Variants in CSMD3 observed in about 807,000 individuals in gnomAD.
The protein encoded by CSMD3 is CUB and Sushi multiple domains 3.
Under a neutral mutation model 435.2 loss-of-function variants are expected in CSMD3, and 177 were observed. That is an observed-to-expected ratio of 0.41 (90% CI 0.36 to 0.46). The LOEUF (loss-of-function observed/expected upper bound fraction) is 0.46. CSMD3 is among the 20% of genes least tolerant of loss of function. The pLI, the probability that CSMD3 is intolerant of heterozygous loss-of-function variation, is 0.34. For synonymous variants in CSMD3, 1,656 were observed against 1,520.5 expected (o/e 1.09, Z -2.07); for missense variants, 4,265 against 4,504.6 (o/e 0.95, Z 1.52).
chr8:112,831,450 T>G (rs1275616468), intron 11 of CSMD3, among the ~76,000 whole-genome samples: 1 of 152,062 alleles, frequency 6.6e-6, no homozygotes, highest in Non-Finnish European at 1.5e-5. Flanking sequence ...AAATTCATTT[T>G]ATAACCTAGT....
intron 27 of CSMD3, among the ~76,000 whole-genome samples, chr8:112,550,015 T>A (rs1316959589): frequency 6.6e-6 from 1 of 152,018 alleles, no homozygotes; most frequent in Non-Finnish European, 1.5e-5. Flanking sequence ...CATTTAAACA[T>A]TTTAAGTTTT....
chr8:113,418,190 T>C (rs1181778180), intron 1 of CSMD3, among the ~76,000 whole-genome samples: 1 of 152,114 alleles, frequency 6.6e-6, no homozygotes, highest in Non-Finnish European at 1.5e-5. Flanking sequence ...CAAAGCAGGT[T>C]ATGTCAAGAA....
chr8:112,453,329 C>G (rs917431313), intron 32 of CSMD3, among the ~76,000 whole-genome samples: 12 of 152,044 alleles, frequency 7.9e-5, no homozygotes, highest in African/African-American at 2.7e-4. Flanking sequence ...ACTTACCTCT[C>G]TTTGCCAATA....
intron 4 of CSMD3, among the ~76,000 whole-genome samples, chr8:113,146,078 A>AT (rs2091666271): frequency 1.3e-5 from 2 of 151,668 alleles, no homozygotes; most frequent in South Asian, 4.1e-4. Flanking sequence ...CATAAAATGT[A>AT]AATATATAAT....
chr8:113,186,858 G>C lies in CSMD3; in HGVS notation c.515-12942C>G, dbSNP rs559100100. 5.9e-5 allele frequency among the ~76,000 whole-genome samples: 9 copies of C among 152,040 alleles called. No individual in the cohort carries two copies. The South Asian group carries it at 1.9e-3, about 32-fold the overall frequency. On this transcript the variant is annotated intron_variant, in intron 3 of 70. Coordinates refer to ENST00000297405, the MANE Select transcript of CSMD3 (RefSeq NM_198123.2). ...GTAGTTGTTGCTGGGAGAAGTTCAT[G>C]AGCTTTTGCCATGAGTCCGAGTAAA...
intron 5 of CSMD3, among the ~76,000 whole-genome samples, chr8:113,068,332 C>T (rs1305137625): frequency 6.6e-6 from 1 of 151,978 alleles, no homozygotes; most frequent in African/African-American, 2.4e-5. Context: ...CATCATGTAA[C>T]CTTATATTCC....
intron 2 of CSMD3, among the ~76,000 whole-genome samples, chr8:113,307,982 G>T (rs976046512): frequency 2.0e-5 from 3 of 152,022 alleles, no homozygotes; most frequent in Non-Finnish European, 4.4e-5. Flanking sequence ...TCATTTCACA[G>T]AATGAGAGCT....
In CSMD3 at chr8:112,380,388, T is replaced by C. The variant is rs2131234497; in HGVS notation, c.6100A>G (p.Ser2034Gly). ...AGATGAAATCCTGCAGCAGAAACAC[T>C]GATGTCTGATTGAAAATTTAGATAC... ...NLYLNFQSDI[S>G]VSAAGFHLEY... The change falls in exon 38 of 71, where the codon AGT becomes GGT. Residue 2034 changes from serine (S) to glycine (G), a missense_variant. This residue lies in a region of CSMD3 where 3,255 missense variants were observed against 3,380.2 expected (regional missense o/e 0.96). Coordinates refer to ENST00000297405, the MANE Select transcript of CSMD3 (RefSeq NM_198123.2). 6.2e-7 allele frequency: 1 copy of C among 1,600,364 alleles called. No individual in the cohort carries two copies. The highest frequency in any genetic ancestry group is 8.6e-7 in the Non-Finnish European group (1 of 1,167,886).
chr8:112,293,164 G>A (rs1392902556), intron 54 of CSMD3, among the ~76,000 whole-genome samples: 1 of 151,954 alleles, frequency 6.6e-6, no homozygotes, highest in Non-Finnish European at 1.5e-5. Context: ...GCCGGGGTGG[G>A]AGGATTGCTT....
At chr8:113,241,834 G>A (rs968949236) in intron 3 of CSMD3, among the ~76,000 whole-genome samples, 7 of 151,728 alleles carry the variant, frequency 4.6e-5, no homozygotes, top group Non-Finnish European at 7.4e-5. Context: ...GACTTTTTCA[G>A]AAAAACATCC....
intron 50 of CSMD3, among the ~76,000 whole-genome samples, chr8:112,309,683 A>G (rs994729747): frequency 2.0e-5 from 3 of 152,078 alleles, no homozygotes; most frequent in Non-Finnish European, 4.4e-5. Flanking sequence ...CAGAATCCTA[A>G]TAAGTGATTA....
At chr8:112,523,910 A>G (rs149061372) in intron 27 of CSMD3, among the ~76,000 whole-genome samples, 37 of 152,228 alleles carry the variant, frequency 2.4e-4, no homozygotes, top group African/African-American at 8.4e-4. Context: ...GACACATTCT[A>G]AACAACCTAG....
At chr8:112,261,262 T>A (rs1034616264) in intron 61 of CSMD3, among the ~76,000 whole-genome samples, 1 of 152,126 alleles carries the variant, frequency 6.6e-6, no homozygotes, top group Non-Finnish European at 1.5e-5. Context: ...TATATATTTA[T>A]TTTATACTAA....
intron 5 of CSMD3, among the ~76,000 whole-genome samples, chr8:113,057,823 T>C (rs1218334598): frequency 6.6e-6 from 1 of 151,818 alleles, no homozygotes; most frequent in East Asian, 1.9e-4. Flanking sequence ...AATAGATATG[T>C]AGGATATGAA....
At chr8:112,336,929 C>G in intron 43 of CSMD3, 100 bp from the exon 44 acceptor site, 1 of 974,932 alleles carries the variant, frequency 1.0e-6, no homozygotes, top group Non-Finnish European at 1.6e-6. Context: ...CATTATGAAA[C>G]ACATTTATGC....
At chr8:112,999,731 G>A (rs186636016) in intron 6 of CSMD3, among the ~76,000 whole-genome samples, 1 of 151,704 alleles carries the variant, frequency 6.6e-6, no homozygotes, top group Admixed American at 6.6e-5. Flanking sequence ...AGTCTATTGC[G>A]AATGTTTTGA....
At chr8:113,047,700 T>C (rs1023164086) in intron 5 of CSMD3, among the ~76,000 whole-genome samples, 4 of 152,220 alleles carry the variant, frequency 2.6e-5, no homozygotes, top group Non-Finnish European at 5.9e-5. Context: ...TCAGGAATTA[T>C]GACATTTTTC....
chr8:112,372,462 G>A (rs975562364), intron 38 of CSMD3, among the ~76,000 whole-genome samples: 3 of 152,112 alleles, frequency 2.0e-5, no homozygotes, highest in African/African-American at 4.8e-5. Flanking sequence ...TGATATAATT[G>A]ATAGTGATAA....
At chr8:112,906,616 A>G (rs2082271034) in intron 10 of CSMD3, among the ~76,000 whole-genome samples, 1 of 151,480 alleles carries the variant, frequency 6.6e-6, no homozygotes, top group African/African-American at 2.4e-5. Flanking sequence ...CGGCAGCAAC[A>G]CAGTTTAAGA....
Sources: gnomAD v4.1 joint callset for allele counts (sites outside exome capture counted in the v4.1 genomes callset) on GRCh38, gnomAD v4.1.1 for gene constraint, gnomAD v4.1.1 regional missense constraint, MANE v1.5 for transcripts, NCBI Gene and HGNC (gene_info 2026-07-23, HGNC 2026-07-21) for gene names.